KCNAB2: variants seen among roughly 807,000 people sequenced by gnomAD.
The protein encoded by KCNAB2 is voltage-gated potassium channel subunit beta-2.
In KCNAB2, 29 loss-of-function variants were observed where a neutral mutation model predicts 63.6. That is an observed-to-expected ratio of 0.46 (90% confidence interval 0.34 to 0.62). The LOEUF (loss-of-function observed/expected upper bound fraction) is 0.62. KCNAB2 is among the 20% of genes least tolerant of loss of function. KCNAB2 has a pLI of 0.01. For missense variants in KCNAB2, 359 were observed against 563.9 expected (o/e 0.64, Z 3.68); for synonymous variants, 222 against 224.2 (o/e 0.99, Z 0.09).
intron 13 of KCNAB2, 26 bp downstream of exon 13, chr1:6,095,650 G>A: frequency 1.0e-5 from 16 of 1,605,884 alleles, no homozygotes; most frequent in Non-Finnish European, 1.4e-5. Context: ...GGTGGGGAGG[G>A]ACGGGCAGGG....
intron 15 of KCNAB2, 34 bp from the exon 16 acceptor site, chr1:6,098,451 T>C: frequency 6.2e-7 from 1 of 1,612,178 alleles, no homozygotes; most frequent in East Asian, 2.2e-5. Context: ...GTCTTGTTGG[T>C]GGGATTCTGA....
Position 6,100,443 on chromosome 1 carries a change from T to G in KCNAB2, c.*1869T>G. 3 of 163,642 alleles carry G rather than the reference T, an allele frequency of 1.8e-5. No homozygotes were observed. Among genetic ancestry groups the G allele is most frequent in the East Asian group, 1.8e-4 (1 of 5,670 alleles). 10.1% of individuals were successfully genotyped at this position (163,642 alleles called of 1,614,324 possible). ...GCCCAGGTGGGGGTCGCCTGCTTCC[T>G]TCCCGGACAGGGTCCTGCAGTGGCC... On this transcript the variant is annotated 3_prime_UTR_variant, in exon 16 of 16. Coordinates refer to ENST00000378083, the MANE Select transcript of KCNAB2 (RefSeq NM_001199862.2).
At chr1:6,042,260 G>A (rs1660558757), upstream of KCNAB2, among the ~76,000 whole-genome samples, 1 of 152,164 alleles carries the variant, frequency 6.6e-6, no homozygotes, top group Non-Finnish European at 1.5e-5. Context: ...GAGCCCATCC[G>A]TTCCCCCTTT....
intron 1 of KCNAB2, chr1:6,027,520 C>G (rs1659285688): frequency 6.6e-6 from 1 of 152,292 alleles, no homozygotes. Flanking sequence ...CAGGATGGAG[C>G]TAGGGCAGGC....
Position 6,098,851 on chromosome 1 carries a change from G to A in KCNAB2, c.*277G>A. The A allele has an allele frequency of 3.1e-6, 1 of 327,042 alleles. No homozygotes were observed. The highest frequency in any genetic ancestry group is 5.6e-6 in the Non-Finnish European group (1 of 178,194). The allele number at this position is 327,042 out of a possible 1,614,324, so 20.3% of individuals were successfully genotyped here. On this transcript the variant is annotated 3_prime_UTR_variant, in exon 16 of 16. Transcript: ENST00000378083. ...CCTGTCACCTCTGCTCATCCTCCAA[G>A]ACCACCCAGCTTTCTCCCAGCCACA...
chr1:6,004,896 C>T (rs897042054), intron 1 of KCNAB2, among the ~76,000 whole-genome samples: 1 of 134,426 alleles, frequency 7.4e-6, no homozygotes, highest in South Asian at 2.5e-4. Flanking sequence ...AGTTCCTTCC[C>T]TCTGTAGGGA....
chr1:6,083,345 T>G (rs1448093311), intron 5 of KCNAB2, among the ~76,000 whole-genome samples: 1 of 152,172 alleles, frequency 6.6e-6, no homozygotes, highest in Non-Finnish European at 1.5e-5. Flanking sequence ...GAAGAATGTG[T>G]GGGAGGCAGC....
upstream of KCNAB2, chr1:6,045,831 A>G (rs958748137): frequency 2.2e-6 from 2 of 899,688 alleles, no homozygotes. The surrounding 1 kb of genome is among the most constrained non-coding windows in gnomAD (Gnocchi z 4.8). Context: ...GGTAGGCCTG[A>G]GGGACGGGCA....
intron 7 of KCNAB2, among the ~76,000 whole-genome samples, chr1:6,088,232 CTTTTT>C (rs70981312): frequency 8.4e-6 from 1 of 119,116 alleles, no homozygotes; most frequent in Non-Finnish European, 1.7e-5. Flanking sequence ...CTCTCTCTCT[CTTTTT>C]TTTTTTTTTT....
intron 2 of KCNAB2, among the ~76,000 whole-genome samples, chr1:6,056,635 G>A (rs560498812): frequency 4.6e-5 from 7 of 152,178 alleles, no homozygotes; most frequent in South Asian, 2.1e-4. Context: ...CAAACTCCCC[G>A]CAAGGCTCTA....
chr1:6,057,519 C>T (rs1661941195), intron 2 of KCNAB2, among the ~76,000 whole-genome samples: 1 of 152,160 alleles, frequency 6.6e-6, no homozygotes, highest in African/African-American at 2.4e-5. Context: ...AGGCCAAGTG[C>T]ATCCTGGGAA....
At chr1:6,025,467 G>A (rs1010802497) in intron 1 of KCNAB2, among the ~76,000 whole-genome samples, 1 of 152,120 alleles carries the variant, frequency 6.6e-6, no homozygotes, top group Non-Finnish European at 1.5e-5. Flanking sequence ...GGGAGGAGGG[G>A]CCTCCCCAAG....
upstream of KCNAB2, among the ~76,000 whole-genome samples, chr1:6,042,578 G>A (rs1660582022): frequency 6.6e-6 from 1 of 152,086 alleles, no homozygotes; most frequent in African/African-American, 2.4e-5. Flanking sequence ...TCCAACCCTA[G>A]GAAGTAAAAT....
intron 2 of KCNAB2, 74 bp downstream of exon 2, chr1:6,051,828 G>T: frequency 6.9e-7 from 1 of 1,442,480 alleles, no homozygotes; most frequent in Non-Finnish European, 9.2e-7. Context: ...AAAGGGCTGG[G>T]CACGGTGGTT....
rs115472233 is a variant in KCNAB2, at chr1:6,057,277, C to A, written c.218+5523C>A. 5.5e-3 allele frequency among the ~76,000 whole-genome samples: 829 copies of A among 152,038 alleles called. 13 individuals carry two copies. The highest frequency in any genetic ancestry group is 0.027 in the Middle Eastern group (8 of 294). ...TTTCCTGTGCTTTCTGACTCTAGAT[C>A]CCAGGCTCTTACCACAAGCTCAGGT... On this transcript the variant is annotated intron_variant, in intron 2 of 15. Transcript: ENST00000378083.
At chr1:6,015,232 G>A (rs1658425869) in intron 1 of KCNAB2, among the ~76,000 whole-genome samples, 2 of 151,974 alleles carry the variant, frequency 1.3e-5, no homozygotes, top group Non-Finnish European at 2.9e-5. Flanking sequence ...GTTTCATCAT[G>A]TTGGCCAGGC....
chr1:6,006,865 G>A (rs1235896440), intron 1 of KCNAB2, among the ~76,000 whole-genome samples: 1 of 151,730 alleles, frequency 6.6e-6, no homozygotes, highest in East Asian at 1.9e-4. Flanking sequence ...CAAGGGCCGT[G>A]ATTGAAACCC....
chr1:6,001,533 G>C (rs189999234), intron 1 of KCNAB2, among the ~76,000 whole-genome samples: 88 of 152,300 alleles, frequency 5.8e-4, no homozygotes, highest in Non-Finnish European at 5.9e-5. Flanking sequence ...TGGGCTGTAT[G>C]GGTGCTGAGG....
In KCNAB2 at chr1:6,003,320, G is replaced by C. The variant is rs1657368190; in HGVS notation, c.-53+10532G>C. Reference sequence around the variant, plus strand: ...TTGCTTTCCCTGCTTCCCACACACAGATCCTCCCCACCAGAGCAGGGTCAT... The same window carrying C: ...TTGCTTTCCCTGCTTCCCACACACACATCCTCCCCACCAGAGCAGGGTCAT... On this transcript the variant is annotated intron_variant, in intron 1 of 16. Transcript: ENST00000341524. This position sits in a 1 kb window ranked among gnomAD's most constrained non-coding sequence, Gnocchi z 4.1. Among the ~76,000 whole-genome samples, 2 of 152,170 alleles carry C rather than the reference G, an allele frequency of 1.3e-5. No homozygotes were observed. Among genetic ancestry groups the C allele is most frequent in the South Asian group, 2.1e-4 (1 of 4,832 alleles).
Sources: gnomAD v4.1 joint callset for allele counts (sites outside exome capture counted in the v4.1 genomes callset) on GRCh38, gnomAD v4.1.1 for gene constraint, Gnocchi (gnomAD v3.1) non-coding constraint, MANE v1.5 for transcripts, NCBI Gene and HGNC (gene_info 2026-07-23, HGNC 2026-07-21) for gene names.